The following ING1 variants were observed in gnomAD, a reference collection of about 807,000 sequenced individuals.
ING1 encodes inhibitor of growth protein 1.
In ING1, 4 loss-of-function variants were observed where a neutral mutation model predicts 23.1. The ratio of observed to expected loss-of-function variants is 0.17; its 90% CI spans 0.09 to 0.40. The LOEUF (loss-of-function observed/expected upper bound fraction) is 0.40, where lower values mean the gene tolerates loss of function less well. Among genes scored for constraint, ING1 ranks in the 10% least tolerant of loss-of-function variants. The pLI, the probability that ING1 is intolerant of heterozygous loss-of-function variation, is 1.00. For missense variants in ING1, 256 were observed against 393.8 expected (o/e 0.65, Z 2.96); for synonymous variants, 179 against 166.4 (o/e 1.08, Z -0.58).
chr13:110,717,019 C>G (rs917490763), intron 1 of ING1, among the ~76,000 whole-genome samples: 2 of 152,128 alleles, frequency 1.3e-5, no homozygotes, highest in African/African-American at 2.4e-5. Flanking sequence ...TAGGCTTCAC[C>G]TGGATGGAAG....
At position 110,722,104 on chromosome 13, in the gene ING1, C is replaced by T. The variant is rs1410510095; in HGVS notation, c.*2172C>T. The T allele has an allele frequency of 6.6e-6, 1 of 152,174 alleles. No homozygotes were observed. The highest frequency in any genetic ancestry group is 1.5e-5 in the Non-Finnish European group (1 of 68,034). The allele number at this position is 152,174 out of a possible 1,614,324, so 9.4% of individuals were successfully genotyped here. A position where few individuals can be genotyped will look rare whatever the true frequency, so the allele number is the denominator to read the frequency against. ...GTGCTGGACATAAGTGTCTGTTTTACAGTGAAATTCCATTATAGAGGGTTA... is the reference window on the plus strand; with the variant it reads ...GTGCTGGACATAAGTGTCTGTTTTATAGTGAAATTCCATTATAGAGGGTTA... On this transcript the variant is annotated 3_prime_UTR_variant, in exon 2 of 2. Transcript: ENST00000333219.
chr13:110,714,559 CGGGTGCTGCGGGGGA>C (rs1039975054), intron 1 of ING1, among the ~76,000 whole-genome samples: 1 of 126,140 alleles, frequency 7.9e-6, no homozygotes, highest in Non-Finnish European at 1.7e-5. Context: ...AGTGATGAGG[CGGGTGCTGCGGGGGA>C]GGGGGCGGCG....
intron 1 of ING1, 126 bp downstream of exon 1, chr13:110,714,411 G>T: frequency 1.1e-6 from 1 of 893,052 alleles, no homozygotes; most frequent in Non-Finnish European, 1.5e-6. Flanking sequence ...GGCGGCCCTC[G>T]GCAGGGGCAG....
At chr13:110,715,913 C>T in intron 1 of ING1, 3 of 1,576,256 alleles carry the variant, frequency 1.9e-6, no homozygotes, top group South Asian at 1.1e-5. Context: ...GGCTGCAGTT[C>T]GGACCGCCTC....
At position 110,714,135 on chromosome 13, in the gene ING1, C is replaced by T; in HGVS notation, c.-15C>T. Reference sequence around the variant, plus strand: ...GAAAGCCGCGCCGAGTCGCCGGGGACCTCCGGGGTGAACCATGTTGAGTCC... The same window carrying T: ...GAAAGCCGCGCCGAGTCGCCGGGGATCTCCGGGGTGAACCATGTTGAGTCC... On this transcript the variant is annotated 5_prime_UTR_variant, in exon 1 of 2. Transcript: ENST00000333219. 6.6e-7 allele frequency: 1 copy of T among 1,521,020 alleles called. No homozygotes were observed. The highest frequency in any genetic ancestry group is 2.7e-5 in the East Asian group (1 of 37,014). The allele number at this position is 1,521,020 out of a possible 1,614,324, so 94.2% of individuals were successfully genotyped here.
upstream of ING1, chr13:110,712,764 G>A (rs2064046720): frequency 1.4e-6 from 1 of 706,678 alleles, no homozygotes; most frequent in Non-Finnish European, 2.6e-6. Context: ...ATGACACAGG[G>A]CGGGAAGAGA....
Position 110,722,136 on chromosome 13 carries a change from A to G in ING1, c.*2204A>G, listed in dbSNP as rs1476169854. On this transcript the variant is annotated 3_prime_UTR_variant, in exon 2 of 2. Transcript: ENST00000333219. The stretch of plus-strand genomic sequence containing the variant: ...ATTCCATTATAGAGGGTTACTTGGT[A>G]GAGAAATGCAAATTGTAGTTGGTCA... The G allele has an allele frequency of 6.6e-6, 1 of 152,214 alleles. No individual in the cohort carries two copies. Among genetic ancestry groups the G allele is most frequent in the Non-Finnish European group, 1.5e-5 (1 of 68,036 alleles). The allele number at this position is 152,214 out of a possible 1,614,324, so 9.4% of individuals were successfully genotyped here.
At chr13:110,712,948 G>T, upstream of ING1, 1 of 1,559,472 alleles carries the variant, frequency 6.4e-7, no homozygotes, top group Admixed American at 1.9e-5. Context: ...CGCCTAGGCT[G>T]CTGGGAGTGG....
intron 1 of ING1, chr13:110,715,331 G>A (rs1054529828): frequency 7.6e-6 from 11 of 1,447,206 alleles, no homozygotes; most frequent in African/African-American, 5.7e-5. Flanking sequence ...CGCCTCTGCC[G>A]GGAAGGCGCC....
At chr13:110,715,182 T>TTTCCC in intron 1 of ING1, 3 of 1,223,434 alleles carry the variant, frequency 2.5e-6, no homozygotes, top group Non-Finnish European at 3.1e-6. Flanking sequence ...GCGAGGTCAG[T>TTTCCC]CAAGGCTTTG....
rs1433484804 is a variant in ING1 at position 110,722,500 on chromosome 13, T to G, written c.*2568T>G. 6.6e-6 allele frequency: 1 copy of G among 152,248 alleles called. No individual in the cohort carries two copies. Among genetic ancestry groups the G allele is most frequent in the African/African-American group, 2.4e-5 (1 of 41,472 alleles). 9.4% of individuals were successfully genotyped at this position (152,248 alleles called of 1,614,324 possible). The stretch of plus-strand genomic sequence containing the variant: ...TGGATTTCTTCATATTCAGTTTTGG[T>G]GTAGACAACTGGTGAAGAGAGATGG... On this transcript the variant is annotated 3_prime_UTR_variant, in exon 2 of 2. Coordinates refer to ENST00000333219, the MANE Select transcript of ING1 (RefSeq NM_198219.3).
upstream of ING1, chr13:110,713,372 C>T (rs543602000): frequency 7.6e-6 from 8 of 1,055,292 alleles, no homozygotes; most frequent in Non-Finnish European, 9.2e-6. Flanking sequence ...GCAGGCCGCT[C>T]CCCTGCGTTT....
intron 1 of ING1, chr13:110,715,360 G>T (rs1417817655): frequency 5.4e-6 from 8 of 1,489,008 alleles, no homozygotes. Flanking sequence ...TTCTATCCGA[G>T]ACGTAGCTTC....
At chr13:110,716,129 G>T in intron 1 of ING1, 3 of 1,082,092 alleles carry the variant, frequency 2.8e-6, no homozygotes, top group Non-Finnish European at 3.7e-6. Context: ...CGGAAGGAAG[G>T]CAGGGGCTGA....
chr13:110,712,888 G>A (rs758270604), upstream of ING1: 84 of 1,430,444 alleles, frequency 5.9e-5, no homozygotes, highest in Non-Finnish European at 7.4e-5. Context: ...ACTGAGTACC[G>A]GGAGACGACA....
At position 110,722,944 on chromosome 13, in the gene ING1, T is replaced by C. The variant is rs1008199740; in HGVS notation, c.*3012T>C. Reference sequence around the variant, plus strand: ...AGGACAAAAATGGTACTGAATTCTTTTTGAAAAATAGATTACTGAAAAGCG... The same window carrying C: ...AGGACAAAAATGGTACTGAATTCTTCTTGAAAAATAGATTACTGAAAAGCG... On this transcript the variant is annotated 3_prime_UTR_variant, in exon 2 of 2. Transcript: ENST00000333219. 6.6e-6 allele frequency: 1 copy of C among 152,224 alleles called. No homozygotes were observed. The highest frequency in any genetic ancestry group is 1.5e-5 in the Non-Finnish European group (1 of 68,048). The allele number at this position is 152,224 out of a possible 1,614,324, so 9.4% of individuals were successfully genotyped here. A position where few individuals can be genotyped will look rare whatever the true frequency, so the allele number is the denominator to read the frequency against.
chr13:110,712,917 G>C, upstream of ING1: 5 of 1,551,508 alleles, frequency 3.2e-6, no homozygotes, highest in Non-Finnish European at 4.4e-6. Flanking sequence ...GGGCGGTGAC[G>C]GATGGCGCAG....
intron 1 of ING1, among the ~76,000 whole-genome samples, chr13:110,714,666 G>A (rs1015797403): frequency 6.6e-6 from 1 of 152,208 alleles, no homozygotes; most frequent in African/African-American, 2.4e-5. Flanking sequence ...GCTATAGGGC[G>A]CCGAGACGGG....
intron 1 of ING1, among the ~76,000 whole-genome samples, chr13:110,716,794 A>G (rs2064127414): frequency 6.6e-6 from 1 of 152,248 alleles, no homozygotes; most frequent in Non-Finnish European, 1.5e-5. Context: ...GAAAAAAGGC[A>G]GTAGTGTCTG....
Sources: gnomAD v4.1 joint callset for allele counts (sites outside exome capture counted in the v4.1 genomes callset) on GRCh38, gnomAD v4.1.1 for gene constraint, MANE v1.5 for transcripts, NCBI Gene and HGNC (gene_info 2026-07-23, HGNC 2026-07-21) for gene names.